The following PARD3B variants were observed in gnomAD, a reference collection of about 807,000 sequenced individuals.
The protein encoded by PARD3B is par-3 family cell polarity regulator beta, also known as partitioning defective 3 homolog B.
Under a neutral mutation model 130.2 loss-of-function variants are expected in PARD3B, and 103 were observed. That is an observed-to-expected ratio of 0.79 (90% CI 0.67 to 0.93). PARD3B has a LOEUF of 0.93. PARD3B is among the 40% of genes least tolerant of loss of function. The pLI, the probability that PARD3B is intolerant of heterozygous loss-of-function variation, is 0.00. For missense variants in PARD3B, 1,609 were observed against 1,499.2 expected, an observed-to-expected ratio of 1.07 and a Z score of -1.21; for synonymous variants, 583 against 553.2, an observed-to-expected ratio of 1.05 and a Z score of -0.76.
chr2:204,935,436 G>A (rs1269106693), intron 2 of PARD3B, among the ~76,000 whole-genome samples: 1 of 151,500 alleles, frequency 6.6e-6, no homozygotes, highest in Admixed American at 6.6e-5. Flanking sequence ...CTACTCGGGA[G>A]GCTGAGGCAG....
At chr2:204,773,367 T>A (rs773622216) in intron 2 of PARD3B, among the ~76,000 whole-genome samples, 18 of 151,936 alleles carry the variant, frequency 1.2e-4, no homozygotes, top group Non-Finnish European at 2.4e-4. Flanking sequence ...GTTTTTGCAA[T>A]ATATATTTGC....
chr2:205,574,204 A>T (rs1440511222), intron 22 of PARD3B, among the ~76,000 whole-genome samples: 1 of 152,350 alleles, frequency 6.6e-6, no homozygotes, highest in Admixed American at 6.5e-5. Flanking sequence ...TGAGAACCTC[A>T]TTCTTCAGGA....
At chr2:204,788,634 G>A (rs893056375) in intron 2 of PARD3B, among the ~76,000 whole-genome samples, 4 of 152,112 alleles carry the variant, frequency 2.6e-5, no homozygotes, top group African/African-American at 9.7e-5. Flanking sequence ...ATCCAGAATC[G>A]TAGCTCCAGA....
At chr2:204,763,500 C>G (rs185773425) in intron 2 of PARD3B, among the ~76,000 whole-genome samples, 3 of 152,146 alleles carry the variant, frequency 2.0e-5, no homozygotes, top group African/African-American at 7.2e-5. Context: ...TTCCGAAGAG[C>G]TACTAAAGTG....
At chr2:204,722,051 T>C (rs2039022021) in intron 2 of PARD3B, among the ~76,000 whole-genome samples, 1 of 152,146 alleles carries the variant, frequency 6.6e-6, no homozygotes, top group Non-Finnish European at 1.5e-5. Context: ...TGTTAGATAA[T>C]CATTAATGTT....
In PARD3B at chr2:204,907,179, A is replaced by C. The variant is rs1018224405; in HGVS notation, c.223-57973A>C. 6.6e-6 allele frequency among the ~76,000 whole-genome samples: 1 copy of C among 151,954 alleles called. No homozygotes were observed. The highest frequency in any genetic ancestry group is 1.5e-5 in the Non-Finnish European group (1 of 67,998). On this transcript the variant is annotated intron_variant, in intron 2 of 22. Transcript: ENST00000406610. The surrounding 1 kb of genome is among the most constrained non-coding windows in gnomAD (Gnocchi z 5.7). ...ATATTTTTAGTAAAGACGGGGTTTC[A>C]CCGTGTTATCCAGGATGGTCTTGAT...
At chr2:205,299,335 T>C (rs182351018) in intron 16 of PARD3B, among the ~76,000 whole-genome samples, 87 of 152,234 alleles carry the variant, frequency 5.7e-4, no homozygotes, top group African/African-American at 1.8e-3. Flanking sequence ...GTGCTAGACA[T>C]TGAAGTAGGT....
intron 1 of PARD3B, among the ~76,000 whole-genome samples, chr2:204,674,797 C>G (rs568921015): frequency 1.3e-5 from 2 of 152,270 alleles, no homozygotes; most frequent in East Asian, 3.9e-4. Flanking sequence ...AAGATACACA[C>G]AACTGGTAGA....
At position 205,454,640 on chromosome 2, in the gene PARD3B, A is replaced by G. The variant is rs577899485; in HGVS notation, c.3044+13968A>G. ...CTCTCCAAATTGTCAAGACTTCTGT[A>G]TACCACACTAAGAAGGATATTCTCT... On this transcript the variant is annotated intron_variant, in intron 20 of 22. Transcript: ENST00000406610. 2.1e-4 allele frequency among the ~76,000 whole-genome samples: 32 copies of G among 152,270 alleles called. 3 individuals carry two copies. The highest frequency in any genetic ancestry group is 7.0e-4 in the African/African-American group (29 of 41,558).
chr2:205,561,243 C>T (rs148216135), intron 22 of PARD3B, among the ~76,000 whole-genome samples: 11 of 152,264 alleles, frequency 7.2e-5, no homozygotes, highest in African/African-American at 1.4e-4. Context: ...TTTCCTTTGC[C>T]GGCATTGCAC....
At chr2:205,154,689 A>G (rs1225538509) in intron 10 of PARD3B, among the ~76,000 whole-genome samples, 1 of 152,236 alleles carries the variant, frequency 6.6e-6, no homozygotes, top group African/African-American at 2.4e-5. Context: ...AACATGGCAC[A>G]TATACACTAT....
intron 2 of PARD3B, among the ~76,000 whole-genome samples, chr2:204,744,212 G>T (rs1347362604): frequency 6.6e-6 from 1 of 152,130 alleles, no homozygotes; most frequent in Admixed American, 6.6e-5. Flanking sequence ...GAGTCATTCA[G>T]ATTGGTCCAA....
At chr2:204,757,866 A>G (rs142544577) in intron 2 of PARD3B, among the ~76,000 whole-genome samples, 154 of 152,310 alleles carry the variant, frequency 1.0e-3, no homozygotes, top group African/African-American at 3.2e-3. Flanking sequence ...GGAAACAAGA[A>G]AAGTCAGAGT....
chr2:204,701,109 AT>A (rs369004751), intron 2 of PARD3B, among the ~76,000 whole-genome samples: 10 of 152,098 alleles, frequency 6.6e-5, no homozygotes, highest in African/African-American at 2.2e-4. Flanking sequence ...GACTTAACAC[AT>A]TTTTCTATGT....
intron 3 of PARD3B, among the ~76,000 whole-genome samples, chr2:205,002,496 G>C (rs1219643458): frequency 6.6e-6 from 1 of 152,128 alleles, no homozygotes; most frequent in Non-Finnish European, 1.5e-5. Context: ...TTTTCACAGA[G>C]TCATCCTTGT....
intron 2 of PARD3B, among the ~76,000 whole-genome samples, chr2:204,948,881 C>T (rs1009931967): frequency 6.6e-6 from 1 of 152,136 alleles, no homozygotes; most frequent in Non-Finnish European, 1.5e-5. Context: ...TCACAGGACC[C>T]TTCCCAAGTC....
chr2:205,557,344 C>T (rs1348312893), intron 22 of PARD3B, among the ~76,000 whole-genome samples: 1 of 152,160 alleles, frequency 6.6e-6, no homozygotes, highest in African/African-American at 2.4e-5. Flanking sequence ...TTTCTACTCC[C>T]GTTAAGTTCT....
chr2:204,724,391 C>T (rs2039127155), intron 2 of PARD3B, among the ~76,000 whole-genome samples: 1 of 152,142 alleles, frequency 6.6e-6, no homozygotes, highest in South Asian at 2.1e-4. Context: ...GGATTTTATG[C>T]CCCACCTGGA....
chr2:204,633,621 G>T (rs2034766869), intron 1 of PARD3B, among the ~76,000 whole-genome samples: 1 of 152,012 alleles, frequency 6.6e-6, no homozygotes, highest in Non-Finnish European at 1.5e-5. Flanking sequence ...TGACCAGTCT[G>T]GCCAACATGA....
Sources: gnomAD v4.1 joint callset for allele counts (sites outside exome capture counted in the v4.1 genomes callset) on GRCh38, gnomAD v4.1.1 for gene constraint, Gnocchi (gnomAD v3.1) non-coding constraint, MANE v1.5 for transcripts, NCBI Gene and HGNC (gene_info 2026-07-23, HGNC 2026-07-21) for gene names.